PTPRC: variants seen among roughly 807,000 people sequenced by gnomAD.
PTPRC encodes the protein receptor-type tyrosine-protein phosphatase C.
A neutral mutation model predicts 155.9 loss-of-function variants in PTPRC; 44 were observed. That is an observed-to-expected ratio of 0.28 (90% CI 0.22 to 0.36). The LOEUF (loss-of-function observed/expected upper bound fraction) is 0.36, where lower values mean the gene tolerates loss of function less well. PTPRC is among the 10% of genes least tolerant of loss of function. The pLI, the probability that PTPRC is intolerant of heterozygous loss-of-function variation, is 1.00. For missense variants in PTPRC, 1,401 were observed against 1,564.6 expected, an observed-to-expected ratio of 0.90 and a Z score of 1.76; for synonymous variants, 525 against 533.1, an observed-to-expected ratio of 0.98 and a Z score of 0.21.
intron 2 of PTPRC, among the ~76,000 whole-genome samples, chr1:198,643,171 G>T (rs1662732611): frequency 6.6e-6 from 1 of 151,426 alleles, no homozygotes; most frequent in Non-Finnish European, 1.5e-5. Flanking sequence ...CATTTTTCAA[G>T]TCATTTCAAT....
chr1:198,751,271 A>AT (rs897183372), intron 29 of PTPRC, among the ~76,000 whole-genome samples: 46 of 151,998 alleles, frequency 3.0e-4, no homozygotes, highest in African/African-American at 1.1e-3. Flanking sequence ...CTATAATTTG[A>AT]TTTTTTTACT....
At chr1:198,755,563 AGT>A (rs1655604220) in intron 32 of PTPRC, among the ~76,000 whole-genome samples, 1 of 152,076 alleles carries the variant, frequency 6.6e-6, no homozygotes, top group African/African-American at 2.4e-5. Flanking sequence ...TTCTCGAAGC[AGT>A]GATTCCTGCC....
chr1:198,743,340 T>G (rs1932435), intron 25 of PTPRC, among the ~76,000 whole-genome samples: 28,133 of 151,746 alleles, frequency 0.19, 3,152 homozygotes, highest in African/African-American at 0.29. Flanking sequence ...TGTACAATGC[T>G]TGTGATTACA....
rs752019496 is a variant in PTPRC, at chr1:198,734,270, T to A, written c.2179+38T>A. On this transcript the variant is annotated intron_variant, in intron 21 of 32. Transcript: ENST00000442510. ...ATAATCCAATATTCTTTTTGAAAAA[T>A]TTTTATAGCACTTTTAAGAAAATTT... is the stretch of plus-strand genomic sequence containing the variant. 6 of 1,609,634 alleles carry A rather than the reference T, an allele frequency of 3.7e-6. No homozygotes were observed. The East Asian group carries it at 8.9e-5, about 24-fold the overall frequency.
chr1:198,709,886 T>C, intron 11 of PTPRC, 62 bp downstream of exon 11: 1 of 1,575,440 alleles, frequency 6.3e-7, no homozygotes, highest in Non-Finnish European at 8.7e-7. Flanking sequence ...TTATAATTAT[T>C]TGAGAATCAT....
Position 198,699,646 on chromosome 1 carries a change from C to A in PTPRC, c.381C>A (p.Phe127Leu). 6.2e-7 allele frequency: 1 copy of A among 1,614,198 alleles called. No homozygotes were observed. The highest frequency in any genetic ancestry group is 8.5e-7 in the Non-Finnish European group (1 of 1,180,036). The change falls in exon 5 of 33, where the codon TTC (phenylalanine) becomes TTA (leucine). Residue 127 changes from phenylalanine to leucine, a missense_variant. By Grantham distance (22) the Phe-to-Leu change is conservative. This residue lies in a region of PTPRC where 867 missense variants were observed against 970.4 expected (regional missense o/e 0.89). Coordinates refer to ENST00000442510, the MANE Select transcript of PTPRC (RefSeq NM_002838.5). ...TPSAGTDTQT[F>L]SGSAANAKLN... is the part of the protein sequence containing the mutation. ...CTGCTGGAACTGACACGCAGACATT[C>A]AGCGGCTCCGCCGCCAATGCAAAAC...
chr1:198,738,778 C>G (rs975123117), intron 23 of PTPRC, among the ~76,000 whole-genome samples: 6 of 151,580 alleles, frequency 4.0e-5, no homozygotes, highest in African/African-American at 1.5e-4. Context: ...CCATTAGGTC[C>G]CGGGCTTTTC....
chr1:198,645,932 C>G (rs905123559), intron 2 of PTPRC, among the ~76,000 whole-genome samples: 32 of 151,742 alleles, frequency 2.1e-4, no homozygotes, highest in Admixed American at 1.6e-3. Flanking sequence ...CCATACCCAC[C>G]ATTACCAGGA....
chr1:198,752,223 T>G (rs755187185), intron 29 of PTPRC, 26 bp from the exon 30 acceptor site: 52 of 1,604,888 alleles, frequency 3.2e-5, no homozygotes, highest in Non-Finnish European at 4.3e-5. Flanking sequence ...AGGAAACAAA[T>G]TGTTGAATTG....
At chr1:198,641,407 A>C (rs967575714) in intron 2 of PTPRC, among the ~76,000 whole-genome samples, 2 of 152,056 alleles carry the variant, frequency 1.3e-5, no homozygotes, top group African/African-American at 2.4e-5. Flanking sequence ...TTGGGGAACA[A>C]AATTTATATT....
intron 2 of PTPRC, among the ~76,000 whole-genome samples, chr1:198,672,697 A>C (rs1213723128): frequency 6.6e-6 from 1 of 151,232 alleles, no homozygotes; most frequent in African/African-American, 2.4e-5. Context: ...CATGTTGGCC[A>C]GGCTAGTCTA....
At chr1:198,694,263 T>G in intron 3 of PTPRC, 2 of 862,256 alleles carry the variant, frequency 2.3e-6, no homozygotes, top group Non-Finnish European at 2.9e-6. Flanking sequence ...TACCTTCTTG[T>G]GCCTGCTTTT....
At chr1:198,656,059 G>C (rs1441889469) in intron 2 of PTPRC, among the ~76,000 whole-genome samples, 1 of 152,030 alleles carries the variant, frequency 6.6e-6, no homozygotes, top group Non-Finnish European at 1.5e-5. Flanking sequence ...AAACTTAAAA[G>C]ATTCACAGGT....
rs1655705471 is a variant in PTPRC, at chr1:198,756,940, T to G, written c.*759T>G. 6.6e-6 allele frequency: 1 copy of G among 151,922 alleles called. No homozygotes were observed. Among genetic ancestry groups the G allele is most frequent in the Non-Finnish European group, 1.5e-5 (1 of 67,858 alleles). The allele number at this position is 151,922 out of a possible 1,614,324, so 9.4% of individuals were successfully genotyped here. A position where few individuals can be genotyped will look rare whatever the true frequency, so the allele number is the denominator to read the frequency against. On this transcript the variant is annotated 3_prime_UTR_variant, in exon 33 of 33. Coordinates refer to ENST00000442510, the MANE Select transcript of PTPRC (RefSeq NM_002838.5). ...CTGTACAATATTTAAAATTTATTGCTTGATACTTTTGACAACAAATTAGGT... is the reference window on the plus strand; with the variant it reads ...CTGTACAATATTTAAAATTTATTGCGTGATACTTTTGACAACAAATTAGGT...
In PTPRC at chr1:198,756,328, A is replaced by T; in HGVS notation, c.*147A>T. 2 of 1,049,354 alleles carry T rather than the reference A, an allele frequency of 1.9e-6. No homozygotes were observed. Among genetic ancestry groups the T allele is most frequent in the Non-Finnish European group, 2.7e-6 (2 of 727,978 alleles). The allele number at this position is 1,049,354 out of a possible 1,614,324, so 65.0% of individuals were successfully genotyped here. ...GAAGGGTTATATTTTACTACTGTGG[A>T]AAAATATTTAAGATAGTTTTGCCAG... On this transcript the variant is annotated 3_prime_UTR_variant, in exon 33 of 33. Transcript: ENST00000442510.
At chr1:198,677,676 T>G (rs1434954581) in intron 2 of PTPRC, among the ~76,000 whole-genome samples, 1 of 152,156 alleles carries the variant, frequency 6.6e-6, no homozygotes, top group Non-Finnish European at 1.5e-5. Context: ...TAATTAAATC[T>G]AAACAATACT....
chr1:198,647,279 T>C (rs916437038), intron 2 of PTPRC, among the ~76,000 whole-genome samples: 2 of 151,870 alleles, frequency 1.3e-5, no homozygotes, highest in African/African-American at 4.8e-5. Context: ...CCAGGCTCTC[T>C]TGCAGCAACT....
chr1:198,712,971 T>C lies in PTPRC; in HGVS notation c.1190T>C (p.Ile397Thr). The C allele has an allele frequency of 6.2e-7, 1 of 1,613,330 alleles. No homozygotes were observed. Among genetic ancestry groups the C allele is most frequent in the Non-Finnish European group, 8.5e-7 (1 of 1,179,328 alleles). Residue 397 changes from isoleucine (I) to threonine (T), a missense_variant, in exon 12 of 33, where the codon ATT (isoleucine) becomes ACT (threonine). Coordinates refer to ENST00000442510, the MANE Select transcript of PTPRC (RefSeq NM_002838.5). The stretch of plus-strand genomic sequence containing the variant: ...TTAACAGGTCCAGGAGAGCCTCAGA[T>C]TATTTTTTGTAGAAGTGAAGCTGCA... Reference protein sequence around the residue: ...TDFGSPGEPQIIFCRSEAAHQ... With the variant: ...TDFGSPGEPQTIFCRSEAAHQ...
chr1:198,700,920 A>C (rs1229093119), intron 5 of PTPRC, among the ~76,000 whole-genome samples: 1 of 152,218 alleles, frequency 6.6e-6, no homozygotes, highest in African/African-American at 2.4e-5. Context: ...TGGAAGCCTC[A>C]AAACAGCTTG....
Sources: allele counts gnomAD v4.1 joint callset (sites outside exome capture counted in the v4.1 genomes callset), GRCh38; gene constraint gnomAD v4.1.1; regional missense constraint gnomAD v4.1.1; transcripts MANE v1.5; gene names NCBI Gene and HGNC (gene_info 2026-07-23, HGNC 2026-07-21).